The following ACTR2 variants were observed in gnomAD, a reference collection of about 807,000 sequenced individuals.
The protein encoded by ACTR2 is actin-related protein 2.
In ACTR2, 5 loss-of-function variants were observed where a neutral mutation model predicts 50.2. That is an observed-to-expected ratio of 0.10 (90% CI 0.05 to 0.21). ACTR2 has a LOEUF of 0.21. Ranked by LOEUF, ACTR2 falls within the 10% of genes least tolerant of loss-of-function variation. The probability of loss-of-function intolerance (pLI) is 1.00; values close to 1 mark genes in which losing one functional copy is unlikely to be tolerated. For missense variants in ACTR2, 180 were observed against 480.6 expected (o/e 0.37, Z 5.85); for synonymous variants, 140 against 162.9 (o/e 0.86, Z 1.07).
intron 1 of ACTR2, among the ~76,000 whole-genome samples, chr2:65,231,269 A>G (rs1671632418): frequency 6.6e-6 from 1 of 152,214 alleles, no homozygotes; most frequent in African/African-American, 2.4e-5. Context: ...CAAATGAAGA[A>G]ACAGTGCTGT....
intron 8 of ACTR2, among the ~76,000 whole-genome samples, chr2:65,268,056 C>G (rs1672416715): frequency 6.6e-6 from 1 of 151,618 alleles, no homozygotes; most frequent in African/African-American, 2.4e-5. Context: ...CCAGGATGGT[C>G]TCGATCTCCT....
chr2:65,254,217 T>A (rs1672105830), intron 5 of ACTR2, among the ~76,000 whole-genome samples: 1 of 152,316 alleles, frequency 6.6e-6, no homozygotes, highest in Non-Finnish European at 1.5e-5. Flanking sequence ...AGGCAGCCTT[T>A]TCTGCCATAA....
chr2:65,261,251 C>A lies in ACTR2; in HGVS notation c.740C>A (p.Pro247Gln). The change falls in exon 7 of 9, where the codon CCA becomes CAA. Residue 247 changes from proline to glutamine, a missense_variant. Physicochemically the swap from Pro to Gln is moderately conservative, Grantham distance 76. Coordinates refer to ENST00000260641, the MANE Select transcript of ACTR2 (RefSeq NM_005722.4). ...TTVLVESYTL[P>Q]DGRIIKVGGE... Reference sequence around the variant, plus strand: ...CTGATTATTCTTGGTTTCTAGCTCCCAGATGGACGTATCATCAAAGTTGGG... The same window carrying A: ...CTGATTATTCTTGGTTTCTAGCTCCAAGATGGACGTATCATCAAAGTTGGG... 1.2e-6 allele frequency: 2 copies of A among 1,613,958 alleles called. No homozygotes were observed. Among genetic ancestry groups the A allele is most frequent in the Non-Finnish European group, 1.7e-6 (2 of 1,179,988 alleles).
At chr2:65,250,379 A>AG (rs1255326809) in intron 3 of ACTR2, among the ~76,000 whole-genome samples, 3 of 149,850 alleles carry the variant, frequency 2.0e-5, no homozygotes, top group African/African-American at 7.4e-5. Context: ...AAGAAAAAAA[A>AG]AAGATATTTC....
At chr2:65,238,425 T>G (rs1179532367) in intron 1 of ACTR2, among the ~76,000 whole-genome samples, 1 of 147,292 alleles carries the variant, frequency 6.8e-6, no homozygotes, top group Non-Finnish European at 1.5e-5. Context: ...TTTGGGAGGC[T>G]GAGGCGGGCA....
intron 2 of ACTR2, among the ~76,000 whole-genome samples, chr2:65,244,094 C>T (rs1474012599): frequency 6.6e-6 from 1 of 152,148 alleles, no homozygotes; most frequent in East Asian, 1.9e-4. Context: ...CAATTCCAAA[C>T]ATTTCTTTCA....
At chr2:65,264,949 C>A (rs1672344170) in intron 7 of ACTR2, 94 bp from the exon 8 acceptor site, 2 of 1,425,856 alleles carry the variant, frequency 1.4e-6, no homozygotes, top group Admixed American at 1.9e-5. Context: ...TTTAATTCTC[C>A]CAGCAACCCC....
At chr2:65,262,539 C>T (rs1672288338) in intron 7 of ACTR2, among the ~76,000 whole-genome samples, 1 of 132,736 alleles carries the variant, frequency 7.5e-6, no homozygotes, top group Non-Finnish European at 1.6e-5. Context: ...GATGTAAATG[C>T]ATGTATATTT....
intron 1 of ACTR2, among the ~76,000 whole-genome samples, chr2:65,231,143 A>G (rs972282072): frequency 1.3e-5 from 2 of 152,194 alleles, no homozygotes; most frequent in Non-Finnish European, 2.9e-5. Context: ...ACAAGTGATC[A>G]ATTCCTGTCA....
intron 2 of ACTR2, among the ~76,000 whole-genome samples, chr2:65,245,169 TTC>T (rs1302827910): frequency 2.6e-5 from 4 of 152,078 alleles, no homozygotes; most frequent in African/African-American, 4.8e-5. Flanking sequence ...CTCTGATATT[TTC>T]TTTTTCTTTT....
intron 2 of ACTR2, 149 bp downstream of exon 2, chr2:65,240,111 A>G: frequency 1.7e-6 from 1 of 577,948 alleles, no homozygotes; most frequent in Non-Finnish European, 3.0e-6. Flanking sequence ...AATTTATATC[A>G]ACACCTGAAC....
At chr2:65,251,554 T>C (rs1672051764) in intron 4 of ACTR2, among the ~76,000 whole-genome samples, 1 of 152,076 alleles carries the variant, frequency 6.6e-6, no homozygotes, top group Non-Finnish European at 1.5e-5. Context: ...AGAGATGGGG[T>C]TTCTCCATAT....
chr2:65,265,291 C>T (rs777968349), intron 8 of ACTR2, 116 bp downstream of exon 8: 3 of 1,071,686 alleles, frequency 2.8e-6, no homozygotes, highest in Non-Finnish European at 4.3e-6. Context: ...ATTCCTACTG[C>T]AGTCAAGTGC....
At chr2:65,228,932 T>G (rs867626686) in intron 1 of ACTR2, among the ~76,000 whole-genome samples, 3 of 151,988 alleles carry the variant, frequency 2.0e-5, no homozygotes, top group Non-Finnish European at 4.4e-5. Flanking sequence ...ATACAAAAAT[T>G]AGCCGGCCGT....
intron 8 of ACTR2, among the ~76,000 whole-genome samples, chr2:65,267,697 ATTTGT>A (rs1672399509): frequency 6.6e-6 from 1 of 151,858 alleles, no homozygotes; most frequent in African/African-American, 2.4e-5. Flanking sequence ...CATCCTGATG[ATTTGT>A]TTTGACCATA....
At position 65,227,869 on chromosome 2, in the gene ACTR2, T is replaced by G; in HGVS notation, c.-41T>G. 2.0e-6 allele frequency: 3 copies of G among 1,498,200 alleles called. No individual in the cohort carries two copies. Among genetic ancestry groups the G allele is most frequent in the Non-Finnish European group, 2.7e-6 (3 of 1,122,982 alleles). The allele number at this position is 1,498,200 out of a possible 1,614,324, so 92.8% of individuals were successfully genotyped here. A position where few individuals can be genotyped will look rare whatever the true frequency, so the allele number is the denominator to read the frequency against. ...GAGAAAACGGCCGGGCGGCGGTGGC[T>G]GTAGGTTGTGCGGCTGCAGCGGCTC... On this transcript the variant is annotated 5_prime_UTR_variant, in exon 1 of 9. Transcript: ENST00000260641.
At chr2:65,248,298 G>A (rs944599790) in intron 3 of ACTR2, among the ~76,000 whole-genome samples, 2 of 152,130 alleles carry the variant, frequency 1.3e-5, no homozygotes, top group African/African-American at 4.8e-5. Context: ...TACTTGGGAG[G>A]CTGGGGCAGG....
intron 8 of ACTR2, among the ~76,000 whole-genome samples, chr2:65,266,384 G>C (rs767800957): frequency 1.3e-5 from 2 of 152,112 alleles, no homozygotes; most frequent in Non-Finnish European, 2.9e-5. Flanking sequence ...CTTCCAGGCA[G>C]GAAAAATGCA....
intron 6 of ACTR2, 94 bp from the exon 7 acceptor site, chr2:65,261,153 C>T (rs1553409481): frequency 1.6e-6 from 2 of 1,242,098 alleles, no homozygotes; most frequent in African/African-American, 1.5e-5. Context: ...ATTTTGGTTA[C>T]AGAACAGATG....
Sources: allele counts gnomAD v4.1 joint callset (sites outside exome capture counted in the v4.1 genomes callset), GRCh38; gene constraint gnomAD v4.1.1; transcripts MANE v1.5; gene names NCBI Gene and HGNC (gene_info 2026-07-23, HGNC 2026-07-21).